The following GSAP variants were observed in gnomAD, a reference collection of about 807,000 sequenced individuals.
The protein encoded by GSAP is gamma-secretase activating protein.
A neutral mutation model predicts 131.7 loss-of-function variants in GSAP; 118 were observed. The observed-to-expected ratio is 0.90, with a 90% CI of 0.77 to 1.04. The LOEUF (loss-of-function observed/expected upper bound fraction) is 1.04, where lower values mean the gene tolerates loss of function less well. GSAP is among the 50% of genes least tolerant of loss of function. The probability of loss-of-function intolerance (pLI) is 0.00; values close to 1 mark genes in which losing one functional copy is unlikely to be tolerated. For missense variants in GSAP, 1,019 were observed against 1,013.2 expected (o/e 1.01, Z -0.08); for synonymous variants, 381 against 363.4 (o/e 1.05, Z -0.55).
At chr7:77,404,452 T>G in intron 3 of GSAP, 107 bp downstream of exon 3, 1 of 700,890 alleles carries the variant, frequency 1.4e-6, no homozygotes, top group Non-Finnish European at 2.5e-6. Context: ...AATAAAATGT[T>G]TACAGAAAAA....
In GSAP at chr7:77,374,080, G is replaced by A; in HGVS notation, c.861C>T (p.Thr287=). 1.9e-6 allele frequency: 3 copies of A among 1,545,920 alleles called. No homozygotes were observed. Among genetic ancestry groups the A allele is most frequent in the Non-Finnish European group, 2.7e-6 (3 of 1,123,846 alleles). Residue 287 remains threonine (T), a synonymous_variant, in exon 12 of 31, where the codon ACC becomes ACT. Coordinates refer to ENST00000257626, the MANE Select transcript of GSAP (RefSeq NM_017439.4). ...FSKHLTLCVF[T]NHTGSLCVCY... is the part of the protein sequence containing the mutation. ...ACAACCCTAGTTTACCTGTATGGTTGGTAAAAACACACAGAGTCAGGTGTT... is the reference window on the plus strand; with the variant it reads ...ACAACCCTAGTTTACCTGTATGGTTAGTAAAAACACACAGAGTCAGGTGTT...
At chr7:77,394,099 T>C (rs1241931358) in intron 5 of GSAP, among the ~76,000 whole-genome samples, 1 of 152,234 alleles carries the variant, frequency 6.6e-6, no homozygotes, top group African/African-American at 2.4e-5. Flanking sequence ...CCGCAGTCCA[T>C]CTTCCACGCA....
Position 77,311,105 on chromosome 7 carries a change from C to T in GSAP, c.*253G>A, listed in dbSNP as rs1317399895. 5.5e-6 allele frequency: 2 copies of T among 362,606 alleles called. No homozygotes were observed. Among genetic ancestry groups the T allele is most frequent in the East Asian group, 4.5e-5 (1 of 22,348 alleles). 22.5% of individuals were successfully genotyped at this position (362,606 alleles called of 1,614,324 possible). A position where few individuals can be genotyped will look rare whatever the true frequency, so the allele number is the denominator to read the frequency against. On this transcript the variant is annotated 3_prime_UTR_variant, in exon 31 of 31. Transcript: ENST00000257626. ...CCTATTAAGCTACTAGGAAGAGCAT[C>T]GTTTATGCCACTGTATGCCTTCTTA...
intron 19 of GSAP, among the ~76,000 whole-genome samples, chr7:77,340,633 G>A (rs1790769862): frequency 6.6e-6 from 1 of 152,032 alleles, no homozygotes; most frequent in African/African-American, 2.4e-5. Context: ...TTTATCCGTG[G>A]ACCCAAAACT....
At chr7:77,369,253 A>G (rs1361160616) in intron 12 of GSAP, among the ~76,000 whole-genome samples, 3 of 152,236 alleles carry the variant, frequency 2.0e-5, no homozygotes, top group South Asian at 2.1e-4. Flanking sequence ...GTTGACTATT[A>G]GGTAGGGAAA....
At chr7:77,339,081 C>T (rs12333877) in intron 19 of GSAP, among the ~76,000 whole-genome samples, 22,910 of 152,050 alleles carry the variant, frequency 0.15, 2,216 homozygotes, top group East Asian at 0.43. Flanking sequence ...ATTGAGGTCA[C>T]GAGTGTCCAG....
At chr7:77,394,968 T>C (rs914856511) in intron 5 of GSAP, among the ~76,000 whole-genome samples, 7 of 152,180 alleles carry the variant, frequency 4.6e-5, no homozygotes, top group Non-Finnish European at 8.8e-5. Flanking sequence ...ACCAATAACG[T>C]TCATTGCACT....
chr7:77,411,556 C>A (rs1046902306), intron 1 of GSAP, among the ~76,000 whole-genome samples: 3 of 152,132 alleles, frequency 2.0e-5, no homozygotes, highest in Admixed American at 1.3e-4. Flanking sequence ...TGAAATCTAG[C>A]AAAACATGTG....
chr7:77,395,947 A>C (rs1019338992), intron 5 of GSAP, among the ~76,000 whole-genome samples: 9 of 152,196 alleles, frequency 5.9e-5, no homozygotes, highest in Admixed American at 2.6e-4. Context: ...AAGTTGACAA[A>C]TGGTAATCAC....
chr7:77,346,267 T>G (rs1440021004), intron 19 of GSAP, among the ~76,000 whole-genome samples: 2 of 58,196 alleles, frequency 3.4e-5, no homozygotes, highest in African/African-American at 1.2e-4. Context: ...TGAGACTCCA[T>G]CTCAAAAAAA....
At chr7:77,365,462 T>C (rs1306810778) in intron 12 of GSAP, among the ~76,000 whole-genome samples, 1 of 152,184 alleles carries the variant, frequency 6.6e-6, no homozygotes, top group Non-Finnish European at 1.5e-5. Flanking sequence ...AGCTCCTACC[T>C]GTAAGTGAGA....
At chr7:77,397,074 C>T in intron 4 of GSAP, 39 bp from the exon 5 acceptor site, 1 of 1,325,324 alleles carries the variant, frequency 7.5e-7, no homozygotes, top group Non-Finnish European at 1.1e-6. Flanking sequence ...GCAATTGATC[C>T]ATATGGTAGC....
At chr7:77,331,239 A>T (rs1009732333) in intron 19 of GSAP, among the ~76,000 whole-genome samples, 10 of 152,180 alleles carry the variant, frequency 6.6e-5, no homozygotes, top group Non-Finnish European at 1.0e-4. Context: ...AAGTGGAGCT[A>T]GCAGTGAGCT....
intron 5 of GSAP, among the ~76,000 whole-genome samples, chr7:77,389,260 A>ATT (rs1191327234): frequency 6.6e-6 from 1 of 150,408 alleles, no homozygotes; most frequent in Non-Finnish European, 1.5e-5. Context: ...ATATATATAT[A>ATT]TTTTTTTGAC....
At chr7:77,356,405 T>G (rs1347558559) in intron 14 of GSAP, among the ~76,000 whole-genome samples, 1 of 152,224 alleles carries the variant, frequency 6.6e-6, no homozygotes, top group Admixed American at 6.5e-5. Flanking sequence ...CTTCATAATT[T>G]CTGCCAGTTT....
At chr7:77,377,091 T>G (rs1287937594) in intron 9 of GSAP, among the ~76,000 whole-genome samples, 184 bp from the exon 10 acceptor site, 4 of 151,860 alleles carry the variant, frequency 2.6e-5, no homozygotes, top group Non-Finnish European at 5.9e-5. Flanking sequence ...CTATGGCTCA[T>G]GCCTGTAATC....
At chr7:77,344,415 C>A (rs1318639170) in intron 19 of GSAP, among the ~76,000 whole-genome samples, 1 of 152,226 alleles carries the variant, frequency 6.6e-6, no homozygotes, top group Admixed American at 6.5e-5. Flanking sequence ...CGGGATGCTA[C>A]AGGGTACAGC....
intron 8 of GSAP, 141 bp from the exon 9 acceptor site, chr7:77,377,531 A>C: frequency 9.8e-7 from 1 of 1,020,408 alleles, no homozygotes; most frequent in Non-Finnish European, 1.3e-6. Context: ...GAAGCTCCCC[A>C]CCCCTAGTAT....
chr7:77,328,533 T>C, intron 22 of GSAP, 73 bp downstream of exon 22: 18 of 1,569,220 alleles, frequency 1.1e-5, no homozygotes, highest in South Asian at 2.4e-5. Flanking sequence ...CAACCCACAG[T>C]GGTAGGAAGA....
Sources: gnomAD v4.1 joint callset for allele counts (sites outside exome capture counted in the v4.1 genomes callset) on GRCh38, gnomAD v4.1.1 for gene constraint, MANE v1.5 for transcripts, NCBI Gene and HGNC (gene_info 2026-07-23, HGNC 2026-07-21) for gene names.